The following HAT1 variants were observed in gnomAD, a reference collection of about 807,000 sequenced individuals.
HAT1 encodes histone acetyltransferase 1, also known as histone acetyltransferase type B catalytic subunit.
Under a neutral mutation model 56.6 loss-of-function variants are expected in HAT1, and 20 were observed. That is an observed-to-expected ratio of 0.35 (90% CI 0.25 to 0.51). HAT1 has a LOEUF of 0.51. Among genes scored for constraint, HAT1 ranks in the 20% least tolerant of loss-of-function variants. The pLI, the probability that HAT1 is intolerant of heterozygous loss-of-function variation, is 0.95. For missense variants in HAT1, 408 were observed against 504.3 expected (o/e 0.81, Z 1.83); for synonymous variants, 146 against 165.5 (o/e 0.88, Z 0.91).
chr2:171,976,111 TTGAG>T (rs1242675336), intron 8 of HAT1, 42 bp from the exon 9 acceptor site: 1 of 1,218,122 alleles, frequency 8.2e-7, no homozygotes, highest in Non-Finnish European at 1.1e-6. Flanking sequence ...AGAAATTATA[TTGAG>T]TATCAGGGAA....
At chr2:171,937,023 C>T (rs535268373) in intron 2 of HAT1, among the ~76,000 whole-genome samples, 4 of 151,614 alleles carry the variant, frequency 2.6e-5, no homozygotes, top group South Asian at 4.2e-4. Context: ...GGTGTGATCT[C>T]GGCTCATTGC....
chr2:171,955,072 C>G (rs902338476), intron 4 of HAT1, among the ~76,000 whole-genome samples: 1 of 152,158 alleles, frequency 6.6e-6, no homozygotes, highest in African/African-American at 2.4e-5. Flanking sequence ...ATACTGATTT[C>G]AGAACACCTC....
rs567985187 is a variant in HAT1, at chr2:171,971,078, T to C, written c.823+4129T>C. On this transcript the variant is annotated intron_variant, in intron 8 of 10. Coordinates refer to ENST00000264108, the MANE Select transcript of HAT1 (RefSeq NM_003642.4). ...GCCAGGCGTGATGGTGGGCGCCCTGTAGTCCCAGCTACTTGGGACGCTGAG... is the reference window on the plus strand; with the variant it reads ...GCCAGGCGTGATGGTGGGCGCCCTGCAGTCCCAGCTACTTGGGACGCTGAG... 3.3e-5 allele frequency among the ~76,000 whole-genome samples: 5 copies of C among 152,132 alleles called. 2 individuals are homozygous for C. The highest frequency in any genetic ancestry group is 1.2e-4 in the African/African-American group (5 of 41,542).
rs138177712 is a variant in HAT1, at chr2:171,959,703, A to G, written c.310-5635A>G. Among the ~76,000 whole-genome samples, 489 of 152,318 alleles carry G rather than the reference A, an allele frequency of 3.2e-3. 2 individuals are homozygous for G. Among genetic ancestry groups the G allele is most frequent in the African/African-American group, 0.011 (444 of 41,572 alleles). ...AGTTTGCAGTGAGTGTTCATTCCAT[A>G]GTGCCTTCTGTGTTGTTGATGCCAG... is the stretch of plus-strand genomic sequence containing the variant. On this transcript the variant is annotated intron_variant, in intron 4 of 10. Coordinates refer to ENST00000264108, the MANE Select transcript of HAT1 (RefSeq NM_003642.4).
chr2:171,946,170 CCT>C (rs1687158373), intron 2 of HAT1, among the ~76,000 whole-genome samples: 1 of 152,140 alleles, frequency 6.6e-6, no homozygotes, highest in Non-Finnish European at 1.5e-5. Flanking sequence ...AGGAATTTCC[CCT>C]GTGTATACTT....
intron 4 of HAT1, among the ~76,000 whole-genome samples, chr2:171,953,616 C>A (rs1433639776): frequency 1.0e-4 from 8 of 78,168 alleles, no homozygotes; most frequent in Admixed American, 2.0e-4. Context: ...CAGAACAAGA[C>A]CCTGTCTCTT....
At chr2:171,954,171 T>C (rs1687384825) in intron 4 of HAT1, among the ~76,000 whole-genome samples, 1 of 152,162 alleles carries the variant, frequency 6.6e-6, no homozygotes, top group African/African-American at 2.4e-5. Flanking sequence ...CCAACTTTTG[T>C]TTTTTATTGT....
At chr2:171,938,878 C>A (rs187173750) in intron 2 of HAT1, among the ~76,000 whole-genome samples, 125 of 152,120 alleles carry the variant, frequency 8.2e-4, no homozygotes, top group African/African-American at 3.0e-3. Context: ...GTAGCTGGGA[C>A]TATGGGTGTA....
intron 1 of HAT1, chr2:171,924,483 G>C (rs1458645736): frequency 6.6e-6 from 1 of 152,062 alleles, no homozygotes; most frequent in East Asian, 1.9e-4. Context: ...GTGAGCCACC[G>C]CGCCCAGCCC....
At chr2:171,982,685 G>A (rs181872119) in intron 10 of HAT1, among the ~76,000 whole-genome samples, 1 of 152,172 alleles carries the variant, frequency 6.6e-6, no homozygotes, top group African/African-American at 2.4e-5. Context: ...TTAAAGTATA[G>A]CAGTTTTCCA....
intron 2 of HAT1, among the ~76,000 whole-genome samples, chr2:171,945,498 ATTTT>A (rs71013093): frequency 8.2e-6 from 1 of 122,580 alleles, no homozygotes; most frequent in Non-Finnish European, 1.7e-5. Context: ...GCTATCTATA[ATTTT>A]TTTTTTTTTT....
chr2:171,952,804 A>T (rs1055290279), intron 3 of HAT1, 77 bp from the exon 4 acceptor site: 10 of 852,556 alleles, frequency 1.2e-5, no homozygotes, highest in Non-Finnish European at 1.6e-5. Flanking sequence ...ATGAAGTTAA[A>T]CTTGTTTATA....
intron 2 of HAT1, among the ~76,000 whole-genome samples, chr2:171,934,312 G>A (rs778505436): frequency 6.6e-6 from 1 of 152,200 alleles, no homozygotes; most frequent in Non-Finnish European, 1.5e-5. Context: ...GAGAAGGGGA[G>A]TATTTGTTGA....
chr2:171,979,007 C>CT (rs1222874222), intron 9 of HAT1, among the ~76,000 whole-genome samples: 2 of 151,474 alleles, frequency 1.3e-5, no homozygotes. Context: ...GGGAGGATGG[C>CT]TTGAGTCTAG....
chr2:171,943,076 T>C (rs1255906998), intron 2 of HAT1, among the ~76,000 whole-genome samples: 36 of 150,494 alleles, frequency 2.4e-4, no homozygotes, highest in Non-Finnish European at 2.4e-4. Flanking sequence ...TATTTGAGTT[T>C]TTTTTTTTTT....
chr2:171,970,426 C>G (rs900526225), intron 8 of HAT1, among the ~76,000 whole-genome samples: 10 of 148,892 alleles, frequency 6.7e-5, no homozygotes, highest in African/African-American at 2.5e-4. Context: ...GATTCACACA[C>G]ACATACACAC....
intron 8 of HAT1, 111 bp downstream of exon 8, chr2:171,967,060 G>T (rs1444098371): frequency 1.7e-6 from 1 of 604,808 alleles, no homozygotes; most frequent in Non-Finnish European, 3.0e-6. Context: ...TTTTCCTAGG[G>T]TGTTTAAGCC....
At chr2:171,945,990 G>C (rs140086479) in intron 2 of HAT1, among the ~76,000 whole-genome samples, 136 of 152,158 alleles carry the variant, frequency 8.9e-4, no homozygotes, top group Middle Eastern at 3.4e-3. Flanking sequence ...ATTTTTAGTA[G>C]AGATGGTTTC....
chr2:171,946,459 A>C (rs1687166985), intron 2 of HAT1, among the ~76,000 whole-genome samples: 1 of 152,246 alleles, frequency 6.6e-6, no homozygotes, highest in African/African-American at 2.4e-5. Flanking sequence ...TGTCATACTT[A>C]GCCTTCTGAT....
Sources: allele counts gnomAD v4.1 joint callset (sites outside exome capture counted in the v4.1 genomes callset), GRCh38; gene constraint gnomAD v4.1.1; transcripts MANE v1.5; gene names NCBI Gene and HGNC (gene_info 2026-07-23, HGNC 2026-07-21).